TMEM50B: variants seen among roughly 807,000 people sequenced by gnomAD.
TMEM50B encodes the protein HCV p7-trans-regulated protein 3.
A neutral mutation model predicts 23.4 loss-of-function variants in TMEM50B; 14 were observed. The observed-to-expected ratio is 0.60, with a 90% CI of 0.39 to 0.93. TMEM50B has a LOEUF of 0.93. Ranked by LOEUF, TMEM50B falls within the 40% of genes least tolerant of loss-of-function variation. The probability of loss-of-function intolerance (pLI) is 0.00; values close to 1 mark genes in which losing one functional copy is unlikely to be tolerated. For missense variants in TMEM50B, 159 were observed against 193.0 expected, an observed-to-expected ratio of 0.82 and a Z score of 1.04; for synonymous variants, 64 against 62.3, an observed-to-expected ratio of 1.03 and a Z score of -0.13.
In TMEM50B at chr21:33,449,243, A is replaced by C. The variant is rs1457237945; in HGVS notation, c.*1575T>G. 4 of 152,340 alleles carry C rather than the reference A, an allele frequency of 2.6e-5. No individual in the cohort carries two copies. In the East Asian group the frequency reaches 7.7e-4, roughly 29 times the overall value. The allele number at this position is 152,340 out of a possible 1,614,324, so 9.4% of individuals were successfully genotyped here. ...GACAGAGCTTACTAACATTTTGAAG[A>C]AAAAACAGCAAAGAAAGAAGTCATC... On this transcript the variant is annotated 3_prime_UTR_variant, in exon 7 of 7. Coordinates refer to ENST00000542230, the MANE Select transcript of TMEM50B (RefSeq NM_006134.7).
At chr21:33,443,940 G>A (rs192074636) in intron 7 of TMEM50B, among the ~76,000 whole-genome samples, 6 of 152,162 alleles carry the variant, frequency 3.9e-5, no homozygotes, top group Admixed American at 2.0e-4. Context: ...TCGCTCTGTC[G>A]CCCAGGCTGG....
intron 6 of TMEM50B, among the ~76,000 whole-genome samples, chr21:33,452,817 G>GA (rs1191389151): frequency 2.6e-5 from 4 of 152,250 alleles, no homozygotes; most frequent in African/African-American, 4.8e-5. Context: ...AACAGAAGCA[G>GA]AAAAAATCAG....
intron 1 of TMEM50B, among the ~76,000 whole-genome samples, chr21:33,474,415 G>A (rs1342360750): frequency 6.6e-6 from 1 of 151,232 alleles, no homozygotes; most frequent in African/African-American, 2.4e-5. Context: ...CACCAAACCT[G>A]CGCTAAGAAA....
At chr21:33,432,956 G>A in intron 8 of TMEM50B, 1 of 1,110,636 alleles carries the variant, frequency 9.0e-7, no homozygotes, top group South Asian at 1.3e-5. Context: ...TACAATCTCT[G>A]CTCACTGCAG....
intron 1 of TMEM50B, among the ~76,000 whole-genome samples, chr21:33,471,898 G>C (rs1056251535): frequency 6.8e-6 from 1 of 147,906 alleles, no homozygotes; most frequent in Non-Finnish European, 1.5e-5. Context: ...AGCCAGGCAT[G>C]GTGGCAGGCG....
At chr21:33,478,965 G>A (rs984254033) in intron 1 of TMEM50B, 2 of 366,634 alleles carry the variant, frequency 5.5e-6, no homozygotes, top group Non-Finnish European at 1.1e-5. Context: ...GTAAGACGAT[G>A]CGGATGCCAC....
intron 5 of TMEM50B, among the ~76,000 whole-genome samples, chr21:33,456,940 C>T (rs759941710): frequency 1.3e-5 from 2 of 152,122 alleles, no homozygotes; most frequent in Non-Finnish European, 2.9e-5. Context: ...GAAATAAAGT[C>T]ATATTCACTT....
intron 1 of TMEM50B, among the ~76,000 whole-genome samples, chr21:33,476,760 C>CAAAAAAA (rs10645412): frequency 2.9e-5 from 2 of 68,404 alleles, no homozygotes; most frequent in Middle Eastern, 9.6e-3. Flanking sequence ...GACTCCATCT[C>CAAAAAAA]AAAAAAAAAA....
intron 1 of TMEM50B, among the ~76,000 whole-genome samples, chr21:33,474,980 G>A (rs1201715021): frequency 6.6e-6 from 1 of 150,746 alleles, no homozygotes; most frequent in African/African-American, 2.4e-5. Flanking sequence ...AGGATGGAGT[G>A]CAGTGGCGTG....
chr21:33,466,970 A>G (rs747738056), intron 3 of TMEM50B, 40 bp downstream of exon 3: 2 of 1,550,060 alleles, frequency 1.3e-6, no homozygotes, highest in Admixed American at 3.5e-5. Context: ...AAGTATTTTT[A>G]GAAAAATCAC....
chr21:33,476,759 T>TG (rs2084376026), intron 1 of TMEM50B, among the ~76,000 whole-genome samples: 1 of 24,442 alleles, frequency 4.1e-5, no homozygotes, highest in Non-Finnish European at 5.8e-5. Flanking sequence ...AGACTCCATC[T>TG]CAAAAAAAAA....
intron 1 of TMEM50B, among the ~76,000 whole-genome samples, chr21:33,476,492 TG>T (rs1213273389): frequency 6.6e-6 from 1 of 152,176 alleles, no homozygotes; most frequent in Non-Finnish European, 1.5e-5. Flanking sequence ...TCAGGCGTGG[TG>T]GCTCACACCT....
chr21:33,460,161 A>C (rs974617707), intron 5 of TMEM50B, among the ~76,000 whole-genome samples: 7 of 152,210 alleles, frequency 4.6e-5, no homozygotes, highest in African/African-American at 1.7e-4. Context: ...AAGGTAAAGA[A>C]GGAAAGCAGA....
intron 1 of TMEM50B, among the ~76,000 whole-genome samples, chr21:33,478,122 A>G (rs1379654393): frequency 6.6e-6 from 1 of 151,752 alleles, no homozygotes. Flanking sequence ...GAGACAGAGC[A>G]AGACTCTGTC....
chr21:33,467,226 A>C (rs743334), intron 2 of TMEM50B, 104 bp from the exon 3 acceptor site: 1 of 1,007,720 alleles, frequency 9.9e-7, no homozygotes, highest in African/African-American at 1.6e-5. Context: ...TGGGCTGGGT[A>C]CAGAGGCTCA....
chr21:33,456,341 G>C (rs1400332502), intron 5 of TMEM50B, among the ~76,000 whole-genome samples: 1 of 152,078 alleles, frequency 6.6e-6, no homozygotes, highest in Non-Finnish European at 1.5e-5. Flanking sequence ...TGGGACTACA[G>C]GCACACACCA....
intron 8 of TMEM50B, among the ~76,000 whole-genome samples, chr21:33,438,177 A>G (rs2083976043): frequency 1.3e-5 from 2 of 152,146 alleles, no homozygotes; most frequent in Non-Finnish European, 2.9e-5. Context: ...CCAGCTACTC[A>G]GGAGGCTGAG....
intron 4 of TMEM50B, among the ~76,000 whole-genome samples, chr21:33,464,823 AAC>A (rs1434857865): frequency 6.0e-5 from 9 of 148,796 alleles, no homozygotes; most frequent in East Asian, 2.0e-4. Flanking sequence ...AAAAAAAAAA[AAC>A]AAAAATTGGA....
intron 1 of TMEM50B, among the ~76,000 whole-genome samples, chr21:33,478,292 C>T (rs2084392715): frequency 6.6e-6 from 1 of 151,706 alleles, no homozygotes; most frequent in South Asian, 2.1e-4. Context: ...CATGGTGAAA[C>T]TCTCTCTCTA....
Sources: gnomAD v4.1 joint callset for allele counts (sites outside exome capture counted in the v4.1 genomes callset) on GRCh38, gnomAD v4.1.1 for gene constraint, MANE v1.5 for transcripts, NCBI Gene and HGNC (gene_info 2026-07-23, HGNC 2026-07-21) for gene names.